GALNT16: variants seen among roughly 807,000 people sequenced by gnomAD.
GALNT16 encodes the protein polypeptide N-acetylgalactosaminyltransferase 16, also known as UDP-GalNAc:polypeptide N-acetylgalactosaminyltransferase-like protein 1.
Under a neutral mutation model 76.1 loss-of-function variants are expected in GALNT16, and 40 were observed. The observed-to-expected ratio is 0.53, with a 90% CI of 0.41 to 0.68. The LOEUF (loss-of-function observed/expected upper bound fraction) is 0.68. GALNT16 is among the 30% of genes least tolerant of loss of function. The pLI is 0.00. For missense variants in GALNT16, 621 were observed against 731.9 expected, an observed-to-expected ratio of 0.85 and a Z score of 1.75; for synonymous variants, 276 against 285.2, an observed-to-expected ratio of 0.97 and a Z score of 0.32.
chr14:69,299,771 G>A (rs1045880518), intron 1 of GALNT16, among the ~76,000 whole-genome samples: 1 of 152,174 alleles, frequency 6.6e-6, no homozygotes, highest in African/African-American at 2.4e-5. Flanking sequence ...GGAAACTCCT[G>A]GGCCAGGTCT....
chr14:69,323,557 C>T (rs972886953), intron 2 of GALNT16, among the ~76,000 whole-genome samples: 4 of 152,162 alleles, frequency 2.6e-5, no homozygotes, highest in Non-Finnish European at 5.9e-5. Context: ...TTTGCTGCTC[C>T]CAGCACACCC....
At chr14:69,359,320 T>G, downstream of GALNT16, 1 of 152,222 alleles carries the variant, frequency 6.6e-6, no homozygotes, top group Admixed American at 6.5e-5. Context: ...ACTGGGTTTG[T>G]TTTTGTTTTG....
rs2045659364 is a variant in GALNT16, at chr14:69,353,129, C to A, written c.*961C>A. Among the ~76,000 whole-genome samples, 1 of 152,158 alleles carries A rather than the reference C, an allele frequency of 6.6e-6. No individual in the cohort carries two copies. Among genetic ancestry groups the A allele is most frequent in the African/African-American group, 2.4e-5 (1 of 41,426 alleles). On this transcript the variant is annotated 3_prime_UTR_variant, in exon 15 of 15. Transcript: ENST00000448469. ...CCTGAGTAGTCCCAGCCTCATTTGT[C>A]ATTTTTGACTCCTGCTTTCTCAAAG...
chr14:69,385,413 T>C, the GALNT16 span, among the ~76,000 whole-genome samples: 2 of 152,140 alleles, frequency 1.3e-5, no homozygotes, highest in African/African-American at 4.8e-5. Context: ...CTTTCTGAGA[T>C]AACTGAAGCA....
At chr14:69,301,609 G>A (rs2044853273) in intron 1 of GALNT16, among the ~76,000 whole-genome samples, 1 of 152,122 alleles carries the variant, frequency 6.6e-6, no homozygotes, top group Non-Finnish European at 1.5e-5. Context: ...AAAGTGCTGG[G>A]ATTACAGGTG....
At chr14:69,268,810 T>C (rs536600599) in intron 1 of GALNT16, among the ~76,000 whole-genome samples, 12 of 152,296 alleles carry the variant, frequency 7.9e-5, no homozygotes, top group Middle Eastern at 3.4e-3. Flanking sequence ...GGAGATGGCA[T>C]TGGCATGCAA....
At chr14:69,322,005 G>C (rs193190184) in intron 2 of GALNT16, among the ~76,000 whole-genome samples, 7 of 152,358 alleles carry the variant, frequency 4.6e-5, no homozygotes, top group African/African-American at 1.7e-4. Flanking sequence ...GAGGGTGCGA[G>C]AGGGCCTGGT....
intron 1 of GALNT16, among the ~76,000 whole-genome samples, chr14:69,296,728 T>TGATAGATCGATA (rs74676197): frequency 0.14 from 20,569 of 142,006 alleles, 1,536 homozygotes; most frequent in East Asian, 0.21. Context: ...GACAGATAGA[T>TGATAGATCGATA]GATAGATAGA....
intron 1 of GALNT16, among the ~76,000 whole-genome samples, chr14:69,280,631 A>G (rs917666343): frequency 3.9e-5 from 6 of 151,904 alleles, no homozygotes; most frequent in Non-Finnish European, 1.5e-5. Flanking sequence ...ACTTTTTCTT[A>G]CCGTTTTAGC....
intron 2 of GALNT16, among the ~76,000 whole-genome samples, chr14:69,323,801 C>T (rs1223308460): frequency 6.6e-6 from 1 of 152,164 alleles, no homozygotes; most frequent in African/African-American, 2.4e-5. Flanking sequence ...CCTGGGAATT[C>T]GGGCTGTAAG....
intron 1 of GALNT16, among the ~76,000 whole-genome samples, chr14:69,297,631 C>CAAA (rs11433868): frequency 0.016 from 2,375 of 144,456 alleles, 58 homozygotes; most frequent in African/African-American, 0.055. Flanking sequence ...TTGGAAAAGC[C>CAAA]AAAAAAAAAA....
At chr14:69,303,002 T>A (rs1362287220) in intron 1 of GALNT16, among the ~76,000 whole-genome samples, 1 of 152,230 alleles carries the variant, frequency 6.6e-6, no homozygotes, top group Non-Finnish European at 1.5e-5. Context: ...ACATTTAGAT[T>A]ATTTCCAATA....
chr14:69,287,723 G>T (rs988023844), intron 1 of GALNT16, among the ~76,000 whole-genome samples: 1 of 152,178 alleles, frequency 6.6e-6, no homozygotes, highest in Non-Finnish European at 1.5e-5. Context: ...CCAACACGGA[G>T]CCCGCCTTTC....
intron 1 of GALNT16, among the ~76,000 whole-genome samples, chr14:69,282,630 T>A (rs1228219827): frequency 1.3e-5 from 2 of 151,766 alleles, no homozygotes; most frequent in African/African-American, 4.8e-5. Context: ...CTGCTCTAAG[T>A]GCAGGCTTAA....
chr14:69,270,811 G>A (rs1459073472), intron 1 of GALNT16, among the ~76,000 whole-genome samples: 1 of 152,236 alleles, frequency 6.6e-6, no homozygotes, highest in African/African-American at 2.4e-5. Flanking sequence ...TCCCAGGGAT[G>A]AGGGGAAGTG....
At chr14:69,301,792 C>G (rs1348448713) in intron 1 of GALNT16, among the ~76,000 whole-genome samples, 3 of 152,086 alleles carry the variant, frequency 2.0e-5, no homozygotes, top group Admixed American at 1.3e-4. Context: ...AGTTTGAGAC[C>G]AGCCTGGGCA....
At chr14:69,367,345 C>T in the GALNT16 span, among the ~76,000 whole-genome samples, 1 of 151,904 alleles carries the variant, frequency 6.6e-6, no homozygotes, top group South Asian at 2.1e-4. Context: ...GTGATTAAGT[C>T]GTGAGGGTGG....
chr14:69,385,727 C>T, the GALNT16 span, among the ~76,000 whole-genome samples: 3 of 151,784 alleles, frequency 2.0e-5, no homozygotes, highest in South Asian at 6.3e-4. Flanking sequence ...ACACTGAAAT[C>T]TGTAAGCATT....
intron 1 of GALNT16, among the ~76,000 whole-genome samples, chr14:69,279,545 G>C (rs2140114278): frequency 6.6e-6 from 1 of 152,362 alleles, no homozygotes; most frequent in African/African-American, 2.4e-5. Flanking sequence ...CACTAAGCTA[G>C]AAGCTGGTTT....
Sources: allele counts gnomAD v4.1 joint callset (sites outside exome capture counted in the v4.1 genomes callset), GRCh38; gene constraint gnomAD v4.1.1; transcripts MANE v1.5; gene names NCBI Gene and HGNC (gene_info 2026-07-23, HGNC 2026-07-21).